FAF1: variants seen among roughly 807,000 people sequenced by gnomAD.
The protein encoded by FAF1 is Fas associated factor 1.
FAF1 carries 25 observed loss-of-function variants against 92.5 expected under a neutral mutation model. The observed-to-expected ratio is 0.27, with a 90% CI of 0.20 to 0.38. The LOEUF (loss-of-function observed/expected upper bound fraction) is 0.38. FAF1 is among the 10% of genes least tolerant of loss of function. FAF1 has a pLI of 1.00. For synonymous variants in FAF1, 234 were observed against 273.2 expected, an observed-to-expected ratio of 0.86 and a Z score of 1.42; for missense variants, 636 against 793.3, an observed-to-expected ratio of 0.80 and a Z score of 2.38.
At chr1:50,908,279 G>A (rs867735577) in intron 1 of FAF1, among the ~76,000 whole-genome samples, 7 of 152,152 alleles carry the variant, frequency 4.6e-5, no homozygotes, top group Admixed American at 1.3e-4. Flanking sequence ...GCTGAGGAGC[G>A]CTTTACTTCC....
chr1:50,522,856 T>C (rs943548618), intron 15 of FAF1, among the ~76,000 whole-genome samples: 10 of 152,206 alleles, frequency 6.6e-5, no homozygotes, highest in Non-Finnish European at 1.5e-4. Context: ...CACCATCTAT[T>C]TCCTAACATT....
At chr1:50,856,998 T>C (rs1644395408) in intron 2 of FAF1, among the ~76,000 whole-genome samples, 1 of 151,824 alleles carries the variant, frequency 6.6e-6, no homozygotes. Context: ...TCTGGAATAA[T>C]ATACCTTAAA....
chr1:50,578,546 C>A (rs1650854377), intron 12 of FAF1, among the ~76,000 whole-genome samples: 2 of 152,134 alleles, frequency 1.3e-5, no homozygotes, highest in Admixed American at 1.3e-4. Flanking sequence ...ACCATATTTA[C>A]CTGTCATGGA....
intron 2 of FAF1, among the ~76,000 whole-genome samples, chr1:50,818,755 G>A (rs895403048): frequency 2.0e-5 from 3 of 151,940 alleles, no homozygotes; most frequent in Non-Finnish European, 2.9e-5. Flanking sequence ...GAGGCCAGGC[G>A]GGGGCCGGGA....
chr1:50,464,492 A>G (rs992732082), intron 18 of FAF1, among the ~76,000 whole-genome samples: 1 of 152,200 alleles, frequency 6.6e-6, no homozygotes, highest in Non-Finnish European at 1.5e-5. Context: ...ACTGCATTTT[A>G]CTAAGGGGAA....
intron 7 of FAF1, among the ~76,000 whole-genome samples, chr1:50,699,832 T>TGA (rs1262193272): frequency 2.0e-5 from 3 of 152,176 alleles, no homozygotes; most frequent in African/African-American, 7.2e-5. Flanking sequence ...TCTACAGTGA[T>TGA]AACTTTATGA....
At chr1:50,476,267 T>C (rs1336453925) in intron 17 of FAF1, among the ~76,000 whole-genome samples, 1 of 152,224 alleles carries the variant, frequency 6.6e-6, no homozygotes, top group Non-Finnish European at 1.5e-5. Context: ...ACTGTATATA[T>C]ATTTTGCCAC....
At chr1:50,670,185 T>C (rs975289030) in intron 7 of FAF1, among the ~76,000 whole-genome samples, 4 of 151,528 alleles carry the variant, frequency 2.6e-5, no homozygotes, top group Non-Finnish European at 5.9e-5. Context: ...TATTTATTTA[T>C]ATTTGGAGCA....
At chr1:50,543,383 G>A (rs1051380790) in intron 13 of FAF1, among the ~76,000 whole-genome samples, 7 of 152,154 alleles carry the variant, frequency 4.6e-5, no homozygotes, top group Non-Finnish European at 8.8e-5. Context: ...AAAAAATAGA[G>A]GGCACAAAAC....
At chr1:50,641,821 C>G (rs752263496) in intron 8 of FAF1, among the ~76,000 whole-genome samples, 1 of 152,054 alleles carries the variant, frequency 6.6e-6, no homozygotes, top group African/African-American at 2.4e-5. Context: ...AAACTGTTAC[C>G]AGGCACATAC....
intron 9 of FAF1, among the ~76,000 whole-genome samples, chr1:50,595,167 G>A (rs1303966278): frequency 6.6e-6 from 1 of 151,838 alleles, no homozygotes; most frequent in African/African-American, 2.4e-5. Context: ...TGATTCTCCT[G>A]CCTTAGCCTC....
At chr1:50,929,396 T>C (rs1216537269) in intron 1 of FAF1, among the ~76,000 whole-genome samples, 1 of 152,196 alleles carries the variant, frequency 6.6e-6, no homozygotes, top group African/African-American at 2.4e-5. Flanking sequence ...CAAGAATTAA[T>C]GCATGTTTTA....
At position 50,617,693 on chromosome 1, in the gene FAF1, G is replaced by GTTTT. The variant is rs61376152; in HGVS notation, c.745-21481_745-21478dup. On this transcript the variant is annotated intron_variant, in intron 8 of 18. Coordinates refer to ENST00000396153, the MANE Select transcript of FAF1 (RefSeq NM_007051.3). ...CTAGGGAAGGAGTCCCTCCTCTTCT[G>GTTTT]TTTTTTTTTTTTTTTTTTTAATAAT... 2.3e-4 allele frequency among the ~76,000 whole-genome samples: 27 copies of GTTTT among 119,178 alleles called. No homozygotes were observed. In the South Asian group the frequency reaches 5.0e-3, roughly 22 times the overall value. 78.2% of individuals were successfully genotyped at this position (119,178 alleles called of 152,430 possible). A position where few individuals can be genotyped will look rare whatever the true frequency, so the allele number is the denominator to read the frequency against.
intron 12 of FAF1, among the ~76,000 whole-genome samples, chr1:50,570,412 G>T (rs759084718): frequency 6.6e-6 from 1 of 151,986 alleles, no homozygotes; most frequent in African/African-American, 2.4e-5. Context: ...CGACTGGCTC[G>T]CCTCGCCCCT....
intron 15 of FAF1, among the ~76,000 whole-genome samples, chr1:50,516,859 T>G (rs1647238056): frequency 6.6e-6 from 1 of 152,328 alleles, no homozygotes; most frequent in East Asian, 1.9e-4. Context: ...TTTGGATTGG[T>G]TGCAAAGTTG....
intron 7 of FAF1, among the ~76,000 whole-genome samples, chr1:50,688,562 T>C (rs1656776146): frequency 1.3e-5 from 2 of 152,134 alleles, no homozygotes; most frequent in South Asian, 4.2e-4. Context: ...CCTGTAATCA[T>C]AGCACTTTGG....
chr1:50,758,504 C>T lies in FAF1; in HGVS notation c.368-13729G>A, dbSNP rs577950881. 3.3e-5 allele frequency among the ~76,000 whole-genome samples: 5 copies of T among 152,184 alleles called. No individual in the cohort carries two copies. The East Asian group carries it at 9.6e-4, about 29-fold the overall frequency. ...ATTTTACAAATGCTATAATACATTG[C>T]TATAATTTCTACTTTTAAATGTCAA... On this transcript the variant is annotated intron_variant, in intron 4 of 18. Transcript: ENST00000396153.
At chr1:50,640,829 A>ATTTTTTTTTTTTTT (rs71059592) in intron 8 of FAF1, among the ~76,000 whole-genome samples, 1 of 88,504 alleles carries the variant, frequency 1.1e-5, no homozygotes, top group Non-Finnish European at 2.0e-5. Context: ...TTATCAGCTG[A>ATTTTTTTTTTTTTT]TTTTTTTTTT....
chr1:50,754,476 G>C (rs969688871), intron 4 of FAF1, among the ~76,000 whole-genome samples: 7 of 152,114 alleles, frequency 4.6e-5, no homozygotes, highest in South Asian at 4.1e-4. Context: ...TAAGCCTTTT[G>C]GGTGGTTTTT....
Sources: allele counts gnomAD v4.1 joint callset (sites outside exome capture counted in the v4.1 genomes callset), GRCh38; gene constraint gnomAD v4.1.1; transcripts MANE v1.5; gene names NCBI Gene and HGNC (gene_info 2026-07-23, HGNC 2026-07-21).